The following ARHGAP32 variants were observed in gnomAD, a reference collection of about 807,000 sequenced individuals.
ARHGAP32 encodes the protein rho GTPase-activating protein 32.
In ARHGAP32, 51 loss-of-function variants were observed where a neutral mutation model predicts 186.5. The ratio of observed to expected loss-of-function variants is 0.27; its 90% CI spans 0.22 to 0.35. The LOEUF (loss-of-function observed/expected upper bound fraction) is 0.35. Among genes scored for constraint, ARHGAP32 ranks in the 10% least tolerant of loss-of-function variants. The pLI is 1.00. For missense variants in ARHGAP32, 2,186 were observed against 2,623.5 expected (o/e 0.83, Z 3.64); for synonymous variants, 950 against 964.3 (o/e 0.99, Z 0.27).
chr11:129,276,592 C>T (rs539017089), intron 1 of ARHGAP32, among the ~76,000 whole-genome samples: 6 of 152,300 alleles, frequency 3.9e-5, no homozygotes, highest in African/African-American at 1.4e-4. Flanking sequence ...AGGTGTAAGC[C>T]ACCCTGCCCA....
chr11:129,078,141 G>A (rs557103282), intron 6 of ARHGAP32, among the ~76,000 whole-genome samples: 3 of 152,114 alleles, frequency 2.0e-5, no homozygotes, highest in South Asian at 4.1e-4. Flanking sequence ...GATCACATCA[G>A]ACACTCCCCA....
intron 2 of ARHGAP32, among the ~76,000 whole-genome samples, chr11:129,127,154 C>T (rs1055765997): frequency 2.6e-5 from 4 of 152,052 alleles, no homozygotes; most frequent in Non-Finnish European, 5.9e-5. Context: ...CAAGAGAAAA[C>T]GAGAAAACCT....
chr11:129,186,368 G>A (rs143814796), intron 1 of ARHGAP32, among the ~76,000 whole-genome samples: 20 of 152,244 alleles, frequency 1.3e-4, no homozygotes, highest in African/African-American at 3.4e-4. Flanking sequence ...CATGCCTCAC[G>A]GTTAAGACAG....
At chr11:129,239,021 A>G (rs1386047176) in intron 1 of ARHGAP32, among the ~76,000 whole-genome samples, 3 of 151,896 alleles carry the variant, frequency 2.0e-5, no homozygotes, top group South Asian at 4.2e-4. Flanking sequence ...TTATTTATAG[A>G]GTATTATTTA....
At chr11:129,100,062 C>G (rs1941849375) in intron 5 of ARHGAP32, among the ~76,000 whole-genome samples, 1 of 152,176 alleles carries the variant, frequency 6.6e-6, no homozygotes, top group African/African-American at 2.4e-5. Flanking sequence ...CCCCTTTGAC[C>G]ACCATGGACA....
chr11:129,072,520 A>G (rs1286502628), intron 6 of ARHGAP32, among the ~76,000 whole-genome samples: 1 of 152,206 alleles, frequency 6.6e-6, no homozygotes, highest in Non-Finnish European at 1.5e-5. Context: ...GATCTGTTAC[A>G]GAAGTGGGGT....
upstream of ARHGAP32, among the ~76,000 whole-genome samples, chr11:129,194,447 C>T (rs1262754863): frequency 1.3e-5 from 2 of 152,022 alleles, no homozygotes; most frequent in African/African-American, 2.4e-5. Flanking sequence ...GGTCACAATA[C>T]GGAACAAAGC....
chr11:129,226,955 T>C (rs1293815700), intron 1 of ARHGAP32, among the ~76,000 whole-genome samples: 1 of 152,086 alleles, frequency 6.6e-6, no homozygotes, highest in East Asian at 1.9e-4. Flanking sequence ...GCTAACTACA[T>C]AGGTAAGTAT....
intron 12 of ARHGAP32, among the ~76,000 whole-genome samples, chr11:128,997,489 T>C (rs952128918): frequency 2.0e-5 from 3 of 152,190 alleles, no homozygotes; most frequent in African/African-American, 7.2e-5. Flanking sequence ...CCCATACTAA[T>C]TTGGAATTTC....
chr11:129,236,109 C>G (rs1370899891), intron 1 of ARHGAP32, among the ~76,000 whole-genome samples: 1 of 152,160 alleles, frequency 6.6e-6, no homozygotes, highest in Admixed American at 6.6e-5. Context: ...CTGGATCAAA[C>G]AGTAGATCTA....
intron 1 of ARHGAP32, among the ~76,000 whole-genome samples, chr11:129,187,956 T>C (rs2135547491): frequency 6.6e-6 from 1 of 152,108 alleles, no homozygotes; most frequent in South Asian, 2.1e-4. Context: ...TTTTGTTTGT[T>C]GAGGTTTGTT....
chr11:129,211,038 G>C (rs921943919), intron 1 of ARHGAP32, among the ~76,000 whole-genome samples: 2 of 151,940 alleles, frequency 1.3e-5, no homozygotes, highest in Non-Finnish European at 2.9e-5. Flanking sequence ...CTCATTTTTT[G>C]TGTACTTTGT....
intron 1 of ARHGAP32, among the ~76,000 whole-genome samples, chr11:129,186,238 T>C (rs909051142): frequency 6.6e-6 from 1 of 152,184 alleles, no homozygotes; most frequent in Non-Finnish European, 1.5e-5. Flanking sequence ...ATATCGTTTG[T>C]GTACTCTAGG....
At chr11:129,234,678 C>T (rs1944904506) in intron 1 of ARHGAP32, among the ~76,000 whole-genome samples, 1 of 152,092 alleles carries the variant, frequency 6.6e-6, no homozygotes, top group Non-Finnish European at 1.5e-5. Flanking sequence ...TTTAATCTGC[C>T]ACCTGAATGA....
intron 1 of ARHGAP32, among the ~76,000 whole-genome samples, chr11:129,275,715 G>A (rs1169075345): frequency 6.6e-6 from 1 of 152,208 alleles, no homozygotes; most frequent in Non-Finnish European, 1.5e-5. Context: ...ATGAACGACT[G>A]TGTTCCTACA....
intron 10 of ARHGAP32, among the ~76,000 whole-genome samples, chr11:129,049,039 C>T (rs1053783916): frequency 6.6e-6 from 1 of 151,816 alleles, no homozygotes; most frequent in African/African-American, 2.4e-5. Context: ...ATCTTGTATA[C>T]CGTCACAAGG....
chr11:129,060,872 T>A (rs940259502), intron 10 of ARHGAP32, among the ~76,000 whole-genome samples: 2 of 152,132 alleles, frequency 1.3e-5, no homozygotes, highest in Non-Finnish European at 2.9e-5. Context: ...CTCACATATT[T>A]AATCTTCAAG....
chr11:129,076,987 G>C (rs990051143), intron 6 of ARHGAP32, among the ~76,000 whole-genome samples: 3 of 152,198 alleles, frequency 2.0e-5, no homozygotes, highest in African/African-American at 7.2e-5. Context: ...CCTCACTGGG[G>C]AACCCGAAAA....
intron 1 of ARHGAP32, among the ~76,000 whole-genome samples, chr11:129,265,128 G>A (rs1300386144): frequency 6.6e-6 from 1 of 152,196 alleles, no homozygotes. Flanking sequence ...TACACTCACT[G>A]TCAACCTGTT....
Sources: allele counts gnomAD v4.1 joint callset (sites outside exome capture counted in the v4.1 genomes callset), GRCh38; gene constraint gnomAD v4.1.1; transcripts MANE v1.5; gene names NCBI Gene and HGNC (gene_info 2026-07-23, HGNC 2026-07-21).